The following GRB14 variants were observed in gnomAD, a reference collection of about 807,000 sequenced individuals.
The protein encoded by GRB14 is growth factor receptor bound protein 14.
In GRB14, 38 loss-of-function variants were observed where a neutral mutation model predicts 69.1. The ratio of observed to expected loss-of-function variants is 0.55; its 90% CI spans 0.42 to 0.72. The LOEUF (loss-of-function observed/expected upper bound fraction) is 0.72. GRB14 is among the 30% of genes least tolerant of loss of function. The pLI, the probability that GRB14 is intolerant of heterozygous loss-of-function variation, is 0.00. For missense variants in GRB14, 666 were observed against 666.1 expected, an observed-to-expected ratio of 1.00 and a Z score of 0.00; for synonymous variants, 247 against 241.3, an observed-to-expected ratio of 1.02 and a Z score of -0.22.
At chr2:164,507,378 C>T (rs894340097) in intron 8 of GRB14, among the ~76,000 whole-genome samples, 18 of 152,276 alleles carry the variant, frequency 1.2e-4, no homozygotes, top group South Asian at 2.1e-4. Flanking sequence ...CACAGTGCTC[C>T]AGCTTCTCTG....
chr2:164,613,109 A>G (rs984082487), intron 2 of GRB14, among the ~76,000 whole-genome samples: 3 of 152,194 alleles, frequency 2.0e-5, no homozygotes, highest in African/African-American at 7.2e-5. Flanking sequence ...GGTGACATCA[A>G]CTGAAACAAC....
intron 3 of GRB14, among the ~76,000 whole-genome samples, chr2:164,541,354 C>T (rs1268836539): frequency 6.6e-6 from 1 of 151,906 alleles, no homozygotes; most frequent in African/African-American, 2.4e-5. Context: ...TGCCTGTAAT[C>T]TCAGCTACTT....
intron 5 of GRB14, among the ~76,000 whole-genome samples, chr2:164,523,127 A>C (rs1019685444): frequency 1.3e-5 from 2 of 152,100 alleles, no homozygotes; most frequent in African/African-American, 4.8e-5. Flanking sequence ...ACATGCAGTC[A>C]AAAAACTCTC....
chr2:164,564,847 C>G (rs1020908453), intron 2 of GRB14, among the ~76,000 whole-genome samples: 79 of 152,200 alleles, frequency 5.2e-4, no homozygotes, highest in Admixed American at 5.1e-3. Flanking sequence ...AACCCCTTCT[C>G]TAGTAAAAAT....
rs1686792284 is a variant in GRB14, at chr2:164,492,886, CTTA to C, written c.*147_*149del. On this transcript the variant is annotated 3_prime_UTR_variant, in exon 14 of 14. Transcript: ENST00000263915. ...AATGTAAAGTCAATCCAAGTCTTTG[CTTA>C]TTTGCAATGCACAAACTATTTTTTT... 3 of 592,952 alleles carry C rather than the reference CTTA, an allele frequency of 5.1e-6. No individual in the cohort carries two copies. The highest frequency in any genetic ancestry group is 8.3e-6 in the Non-Finnish European group (3 of 361,500). 36.7% of individuals were successfully genotyped at this position (592,952 alleles called of 1,614,324 possible). A position where few individuals can be genotyped will look rare whatever the true frequency, so the allele number is the denominator to read the frequency against.
At chr2:164,601,942 G>A (rs1159780795) in intron 2 of GRB14, among the ~76,000 whole-genome samples, 1 of 151,978 alleles carries the variant, frequency 6.6e-6, no homozygotes, top group African/African-American at 2.4e-5. Flanking sequence ...GTAACATTCA[G>A]TGAAAGGAAA....
intron 2 of GRB14, among the ~76,000 whole-genome samples, chr2:164,613,715 C>G (rs1365978047): frequency 6.6e-6 from 1 of 152,228 alleles, no homozygotes; most frequent in Non-Finnish European, 1.5e-5. Flanking sequence ...TTCAGCCTCT[C>G]ATGAGACCAG....
chr2:164,503,397 C>T (rs931490386), intron 8 of GRB14, among the ~76,000 whole-genome samples: 2 of 134,344 alleles, frequency 1.5e-5, no homozygotes, highest in Middle Eastern at 4.2e-3. Context: ...AATAGTCATT[C>T]CCTTAAAAGC....
At chr2:164,537,961 G>A (rs1338090631) in intron 3 of GRB14, among the ~76,000 whole-genome samples, 1 of 151,706 alleles carries the variant, frequency 6.6e-6, no homozygotes, top group Non-Finnish European at 1.5e-5. Context: ...CCAACTACAT[G>A]TCAGCTCCAG....
At chr2:164,583,469 T>C (rs565241759) in intron 2 of GRB14, among the ~76,000 whole-genome samples, 210 of 152,310 alleles carry the variant, frequency 1.4e-3, no homozygotes, top group African/African-American at 4.9e-3. Flanking sequence ...AAGATCTATG[T>C]AGAATTAAAA....
At position 164,534,276 on chromosome 2, in the gene GRB14, A is replaced by G. The variant is rs539578077; in HGVS notation, c.482-7141T>C. On this transcript the variant is annotated intron_variant, in intron 3 of 13. Transcript: ENST00000263915. ...TATTACATATTCTTTTTAAATTTAT[A>G]TATCACCATCCCAATTTGCATGAAT... Among the ~76,000 whole-genome samples the G allele has an allele frequency of 2.5e-4, 38 of 152,326 alleles. No homozygotes were observed. The South Asian group carries it at 7.7e-3, about 31-fold the overall frequency.
intron 2 of GRB14, among the ~76,000 whole-genome samples, chr2:164,618,611 T>TC (rs1441602773): frequency 6.6e-6 from 1 of 151,954 alleles, no homozygotes; most frequent in Non-Finnish European, 1.5e-5. Flanking sequence ...TTCAAGCCCC[T>TC]CCCCCCAAAA....
chr2:164,493,270 A>C, intron 13 of GRB14, 88 bp from the exon 14 acceptor site: 1 of 1,209,160 alleles, frequency 8.3e-7, no homozygotes, highest in Non-Finnish European at 1.2e-6. Flanking sequence ...TCCACATGCC[A>C]AAACTGCCAA....
intron 2 of GRB14, among the ~76,000 whole-genome samples, chr2:164,557,950 A>G (rs748463541): frequency 6.6e-6 from 1 of 152,142 alleles, no homozygotes; most frequent in Non-Finnish European, 1.5e-5. Context: ...CCATCCAGCA[A>G]CAGGCTAAAG....
intron 2 of GRB14, among the ~76,000 whole-genome samples, chr2:164,549,060 T>C (rs1004612391): frequency 6.6e-6 from 1 of 151,730 alleles, no homozygotes. Context: ...TATTTTTTTT[T>C]AGTAGAGACG....
intron 12 of GRB14, among the ~76,000 whole-genome samples, chr2:164,496,436 C>T (rs1686895751): frequency 6.6e-6 from 1 of 152,052 alleles, no homozygotes; most frequent in Admixed American, 6.6e-5. Flanking sequence ...TGGTACCCCA[C>T]TAAAAGACAA....
intron 2 of GRB14, among the ~76,000 whole-genome samples, chr2:164,556,791 C>T (rs925699986): frequency 2.0e-5 from 3 of 152,148 alleles, no homozygotes; most frequent in East Asian, 1.9e-4. Flanking sequence ...ACCATAAGAA[C>T]GATGTATGAC....
chr2:164,586,619 G>C (rs765647750), intron 2 of GRB14, among the ~76,000 whole-genome samples: 1 of 152,138 alleles, frequency 6.6e-6, no homozygotes, highest in Non-Finnish European at 1.5e-5. Context: ...TACAGTGTTG[G>C]AGCTTTCAGA....
At chr2:164,604,846 G>A (rs915844256) in intron 2 of GRB14, among the ~76,000 whole-genome samples, 18 of 152,070 alleles carry the variant, frequency 1.2e-4, no homozygotes, top group African/African-American at 3.1e-4. Context: ...TTGTGGTTGC[G>A]AGGGGCCGAG....
Sources: allele counts gnomAD v4.1 joint callset (sites outside exome capture counted in the v4.1 genomes callset), GRCh38; gene constraint gnomAD v4.1.1; transcripts MANE v1.5; gene names NCBI Gene and HGNC (gene_info 2026-07-23, HGNC 2026-07-21).